The following OIP5 variants were observed in gnomAD, a reference collection of about 807,000 sequenced individuals.
OIP5 encodes Opa interacting protein 5, also known as protein Mis18-beta.
A neutral mutation model predicts 20.3 loss-of-function variants in OIP5; 24 were observed. The observed-to-expected ratio is 1.18, with a 90% CI of 0.86 to 1.66. The LOEUF is 1.66. Ranked by LOEUF, OIP5 falls within the 40% of genes most tolerant of loss-of-function variation. The probability of loss-of-function intolerance (pLI) is 0.00; values close to 1 mark genes in which losing one functional copy is unlikely to be tolerated. For missense variants in OIP5, 339 were observed against 289.5 expected (o/e 1.17, Z -1.24); for synonymous variants, 143 against 121.3 (o/e 1.18, Z -1.17).
intron 2 of OIP5, among the ~76,000 whole-genome samples, chr15:41,330,083 C>T (rs1448924501): frequency 1.3e-5 from 2 of 151,744 alleles, no homozygotes; most frequent in African/African-American, 4.8e-5. Context: ...AATGTCATTT[C>T]ACCATGTAAT....
chr15:41,315,353 T>C (rs1349672198), intron 3 of OIP5, among the ~76,000 whole-genome samples: 1 of 150,028 alleles, frequency 6.7e-6, no homozygotes, highest in Non-Finnish European at 1.5e-5. Context: ...CACTTGAACC[T>C]GGGAGGCGGA....
intron 3 of OIP5, among the ~76,000 whole-genome samples, chr15:41,316,461 T>A (rs1268853878): frequency 1.3e-5 from 2 of 152,016 alleles, no homozygotes; most frequent in Non-Finnish European, 2.9e-5. Context: ...TAGTCAACCA[T>A]AACTCAGCTA....
chr15:41,331,288 A>G (rs1055958980), intron 2 of OIP5, among the ~76,000 whole-genome samples: 2 of 152,234 alleles, frequency 1.3e-5, no homozygotes, highest in Admixed American at 1.3e-4. Context: ...AGTACATAAC[A>G]TTCTAGTTGT....
chr15:41,319,556 C>G lies in OIP5; in HGVS notation c.512+102G>C, dbSNP rs2047809895. ...GGCATAAGCCACTGTGCTCAGCCTA[C>G]TTTGTCTTTCCTGAAAAACCTTTTA... On this transcript the variant is annotated intron_variant, in intron 3 of 4. Coordinates refer to ENST00000220514, the MANE Select transcript of OIP5 (RefSeq NM_007280.2). 12 of 1,254,526 alleles carry G rather than the reference C, an allele frequency of 9.6e-6. No individual in the cohort carries two copies. The Middle Eastern group carries it at 1.8e-3, about 183-fold the overall frequency. The allele number at this position is 1,254,526 out of a possible 1,614,324, so 77.7% of individuals were successfully genotyped here.
chr15:41,329,084 A>G (rs2140467516), intron 2 of OIP5, among the ~76,000 whole-genome samples: 1 of 149,562 alleles, frequency 6.7e-6, no homozygotes, highest in South Asian at 2.1e-4. Context: ...AAAAAAAAAA[A>G]AAAAAAAGAA....
intron 3 of OIP5, among the ~76,000 whole-genome samples, chr15:41,316,936 A>C (rs2047792134): frequency 6.6e-6 from 1 of 152,134 alleles, no homozygotes; most frequent in Admixed American, 6.6e-5. Flanking sequence ...TTAAGAACTC[A>C]GTGATATAAG....
At chr15:41,321,649 T>C (rs2047829695) in intron 2 of OIP5, among the ~76,000 whole-genome samples, 1 of 152,022 alleles carries the variant, frequency 6.6e-6, no homozygotes, top group African/African-American at 2.4e-5. Context: ...CTCTGAAACA[T>C]GTGCTGTGTC....
Position 41,332,234 on chromosome 15 carries a change from A to G in OIP5, c.322+6T>C, listed in dbSNP as rs2047934269. 1 of 1,537,928 alleles carries G rather than the reference A, an allele frequency of 6.5e-7. No individual in the cohort carries two copies. The highest frequency in any genetic ancestry group is 2.1e-5 in the Admixed American group (1 of 47,976). ...CTGCCTTTCCCGAACGCTTCACTGCACTCACTGGAGAAGACCACGGCCCCG... is the reference window on the plus strand; with the variant it reads ...CTGCCTTTCCCGAACGCTTCACTGCGCTCACTGGAGAAGACCACGGCCCCG... On this transcript the variant is annotated splice_donor_region_variant and intron_variant, in intron 1 of 4. Transcript: ENST00000220514.
At chr15:41,317,579 C>T (rs1451469855) in intron 3 of OIP5, among the ~76,000 whole-genome samples, 1 of 151,830 alleles carries the variant, frequency 6.6e-6, no homozygotes, top group East Asian at 1.9e-4. Context: ...GACGGGGTTT[C>T]CCATGTTGGC....
At chr15:41,328,886 C>A (rs766140170) in intron 2 of OIP5, among the ~76,000 whole-genome samples, 1 of 151,614 alleles carries the variant, frequency 6.6e-6, no homozygotes, top group African/African-American at 2.4e-5. Context: ...GGTGAAACCC[C>A]GTCTCTACTA....
At chr15:41,312,109 C>G (rs2047759274) in intron 4 of OIP5, among the ~76,000 whole-genome samples, 2 of 140,084 alleles carry the variant, frequency 1.4e-5, no homozygotes, top group African/African-American at 5.0e-5. Context: ...CTGCCTCAGC[C>G]TCCCAAAGTG....
At chr15:41,320,896 T>G (rs1483394101) in intron 2 of OIP5, among the ~76,000 whole-genome samples, 1 of 137,616 alleles carries the variant, frequency 7.3e-6, no homozygotes, top group Non-Finnish European at 1.5e-5. Context: ...CTGCCCGGCC[T>G]CCCATGGTCT....
chr15:41,326,138 G>A (rs1463728295), intron 2 of OIP5, among the ~76,000 whole-genome samples: 7 of 152,174 alleles, frequency 4.6e-5, no homozygotes, highest in Admixed American at 4.6e-4. Context: ...CTCTAGCCTA[G>A]GTGACAGAGT....
intron 3 of OIP5, among the ~76,000 whole-genome samples, chr15:41,316,035 G>A (rs1406893574): frequency 6.6e-6 from 1 of 152,136 alleles, no homozygotes; most frequent in African/African-American, 2.4e-5. Context: ...GGCTGAGGCA[G>A]GACAATGGCG....
chr15:41,327,428 C>A (rs1375373926), intron 2 of OIP5, among the ~76,000 whole-genome samples: 2 of 151,908 alleles, frequency 1.3e-5, no homozygotes, highest in Non-Finnish European at 2.9e-5. Flanking sequence ...CCTCCCGCCT[C>A]GGCCTCCCAA....
chr15:41,330,595 C>G (rs7181560), intron 2 of OIP5, among the ~76,000 whole-genome samples: 57,099 of 151,410 alleles, frequency 0.38, 11,895 homozygotes, highest in African/African-American at 0.57. Context: ...AGTAGAGACA[C>G]GGTTTCACCG....
chr15:41,328,103 T>C (rs1309035119), intron 2 of OIP5, among the ~76,000 whole-genome samples: 1 of 152,176 alleles, frequency 6.6e-6, no homozygotes, highest in Non-Finnish European at 1.5e-5. Flanking sequence ...GAAAAAAGTT[T>C]CTTATAAAGA....
In OIP5 at chr15:41,313,266, A is replaced by AT. The variant is rs1162436251; in HGVS notation, c.594+6dup. The AT allele has an allele frequency of 2.6e-6, 4 of 1,549,416 alleles. No individual in the cohort carries two copies. The highest frequency in any genetic ancestry group is 1.7e-4 in the Middle Eastern group (1 of 5,978). On this transcript the variant is annotated splice_region_variant and intron_variant, in intron 4 of 4. Transcript: ENST00000220514. ...TAAAAAAGCATACAACCATCATGAA[A>AT]TTTTACCTCTGCAATCTTTTCTGAT...
chr15:41,316,874 G>A (rs946214180), intron 3 of OIP5, among the ~76,000 whole-genome samples: 2 of 150,946 alleles, frequency 1.3e-5, no homozygotes, highest in Non-Finnish European at 2.9e-5. Flanking sequence ...GTTAAGACAT[G>A]CTCAAATCTC....
Sources: allele counts gnomAD v4.1 joint callset (sites outside exome capture counted in the v4.1 genomes callset), GRCh38; gene constraint gnomAD v4.1.1; transcripts MANE v1.5; gene names NCBI Gene and HGNC (gene_info 2026-07-23, HGNC 2026-07-21).